Variants in IQCH observed in about 807,000 individuals in gnomAD.
The protein encoded by IQCH is IQ domain-containing protein H.
A neutral mutation model predicts 117.0 loss-of-function variants in IQCH; 98 were observed. That is an observed-to-expected ratio of 0.84 (90% CI 0.71 to 0.99). IQCH has a LOEUF of 0.99. Ranked by LOEUF, IQCH falls within the 50% of genes least tolerant of loss-of-function variation. The pLI is 0.00. For missense variants in IQCH, 1,102 were observed against 1,243.8 expected (o/e 0.89, Z 1.72); for synonymous variants, 412 against 448.2 (o/e 0.92, Z 1.02).
intron 16 of IQCH, among the ~76,000 whole-genome samples, chr15:67,442,858 A>AGATAGATAG (rs1555499828): frequency 1.4e-5 from 2 of 141,790 alleles, no homozygotes; most frequent in African/African-American, 5.4e-5. Context: ...ATAGATAGAT[A>AGATAGATAG]GATAGATATA....
At chr15:67,444,435 C>T (rs958083070) in intron 16 of IQCH, among the ~76,000 whole-genome samples, 1 of 152,150 alleles carries the variant, frequency 6.6e-6, no homozygotes, top group Non-Finnish European at 1.5e-5. Flanking sequence ...GTTTTCCAAA[C>T]CACTTTCTAC....
rs529723294 is a variant in IQCH at position 67,391,433 on chromosome 15, A to G, written c.1632+2427A>G. Among the ~76,000 whole-genome samples, 1 of 152,332 alleles carries G rather than the reference A, an allele frequency of 6.6e-6. No individual in the cohort carries two copies. The highest frequency in any genetic ancestry group is 1.5e-5 in the Non-Finnish European group (1 of 68,022). ...GGATGGCTATGAGATTTTTTAAAGC[A>G]TGCCAAAAATCTGTTTGTACATCTC... On this transcript the variant is annotated intron_variant, in intron 12 of 20. Transcript: ENST00000335894. This position sits in a 1 kb window ranked among gnomAD's most constrained non-coding sequence, Gnocchi z 4.3.
At chr15:67,349,373 C>T (rs533448814) in intron 6 of IQCH, among the ~76,000 whole-genome samples, 2 of 152,270 alleles carry the variant, frequency 1.3e-5, no homozygotes, top group Non-Finnish European at 2.9e-5. Context: ...AATCCCACCA[C>T]TTTGGGAGGC....
chr15:67,275,535 A>G (rs978589389), intron 3 of IQCH, among the ~76,000 whole-genome samples: 3 of 152,170 alleles, frequency 2.0e-5, no homozygotes, highest in African/African-American at 7.2e-5. Flanking sequence ...ACTGGAAGAC[A>G]GCATGAAGTT....
chr15:67,464,676 A>G (rs1020521934), intron 16 of IQCH, among the ~76,000 whole-genome samples: 4 of 152,280 alleles, frequency 2.6e-5, no homozygotes, highest in Admixed American at 2.0e-4. Context: ...AGGGGCTGTC[A>G]CTGCTTTTTC....
chr15:67,447,338 G>C lies in IQCH; in HGVS notation c.2506-17789G>C, dbSNP rs2082411903. Among the ~76,000 whole-genome samples, 1 of 152,090 alleles carries C rather than the reference G, an allele frequency of 6.6e-6. No individual in the cohort carries two copies. Among genetic ancestry groups the C allele is most frequent in the Non-Finnish European group, 1.5e-5 (1 of 68,022 alleles). On this transcript the variant is annotated intron_variant, in intron 16 of 20. Coordinates refer to ENST00000335894, the MANE Select transcript of IQCH (RefSeq NM_001031715.3). The surrounding 1 kb of genome is among the most constrained non-coding windows in gnomAD (Gnocchi z 5.3). ...GCAAGGCAGCTTTCTAAAGATTGCT[G>C]CCATCCAAAAGGATGTCCTATTAGC... is the stretch of plus-strand genomic sequence containing the variant.
chr15:67,397,614 G>A (rs1292514462), intron 13 of IQCH, among the ~76,000 whole-genome samples: 1 of 152,160 alleles, frequency 6.6e-6, no homozygotes, highest in Non-Finnish European at 1.5e-5. Flanking sequence ...TTTTACCGAT[G>A]TGCATCATAA....
intron 14 of IQCH, among the ~76,000 whole-genome samples, chr15:67,402,991 T>C (rs1971726758): frequency 1.3e-5 from 2 of 152,202 alleles, no homozygotes; most frequent in Non-Finnish European, 2.9e-5. Flanking sequence ...CTCATGCCTG[T>C]AATCCTAGCA....
At chr15:67,389,081 G>T in intron 12 of IQCH, 75 bp downstream of exon 12, 1 of 1,120,688 alleles carries the variant, frequency 8.9e-7, no homozygotes, top group African/African-American at 1.6e-5. Context: ...AACTTGCAAC[G>T]CTCTGGTACA....
rs71455547 is a variant in IQCH, at chr15:67,358,158, C to CT, written c.714+754dup. Reference sequence around the variant, plus strand: ...ATAGGCATGAGCCACCACGCCTGGCCTTTTTTTTTTTTTTTTTCTTTTTTA... The same window carrying CT: ...ATAGGCATGAGCCACCACGCCTGGCCTTTTTTTTTTTTTTTTTTCTTTTTTA... On this transcript the variant is annotated intron_variant, in intron 7 of 20. Transcript: ENST00000335894. 5.1e-3 allele frequency among the ~76,000 whole-genome samples: 269 copies of CT among 53,068 alleles called. 3 individuals are homozygous for CT. The highest frequency in any genetic ancestry group is 0.016 in the Middle Eastern group (1 of 62). 34.8% of individuals were successfully genotyped at this position (53,068 alleles called of 152,430 possible). A position where few individuals can be genotyped will look rare whatever the true frequency, so the allele number is the denominator to read the frequency against.
rs1433821814 is a variant in IQCH at position 67,385,937 on chromosome 15, A to G, written c.1456+918A>G. On this transcript the variant is annotated intron_variant, in intron 11 of 20. Transcript: ENST00000335894. This position sits in a 1 kb window ranked among gnomAD's most constrained non-coding sequence, Gnocchi z 4.6. The stretch of plus-strand genomic sequence containing the variant: ...TGGAATGACATGCTTTACATGATTC[A>G]TATATATTTCAGCATCATTATTATT... Among the ~76,000 whole-genome samples the G allele has an allele frequency of 6.6e-6, 1 of 152,206 alleles. No homozygotes were observed. Among genetic ancestry groups the G allele is most frequent in the African/African-American group, 2.4e-5 (1 of 41,458 alleles).
chr15:67,270,927 A>C (rs896578791), intron 3 of IQCH, among the ~76,000 whole-genome samples: 1 of 152,194 alleles, frequency 6.6e-6, no homozygotes, highest in Non-Finnish European at 1.5e-5. Flanking sequence ...TGTTAAAGTG[A>C]TGTATCACAT....
rs148672583 is a variant in IQCH at position 67,372,239 on chromosome 15, T to C, written c.882T>C (p.Ala294=). 3.1e-6 allele frequency: 5 copies of C among 1,613,966 alleles called. No individual in the cohort carries two copies. The African/African-American group carries it at 6.7e-5, about 22-fold the overall frequency. The part of the protein sequence containing the change: ...FLAFKEHFSL[A]WGGIFSLLEH... ...CATTCAAGGAACATTTTAGCTTAGC[T>C]TGGGGAGGTATTTTTTCTCTCTTGG... Residue 294 remains alanine, a synonymous_variant, in exon 9 of 21, where the codon GCT becomes GCC. Transcript: ENST00000335894.
At chr15:67,281,753 C>T (rs1966368036) in intron 4 of IQCH, 1 of 454,614 alleles carries the variant, frequency 2.2e-6, no homozygotes, top group South Asian at 1.6e-5. Context: ...GCAACTATTT[C>T]AAAATATGTC....
intron 4 of IQCH, among the ~76,000 whole-genome samples, chr15:67,325,947 TAGG>T (rs773937874): frequency 1.5e-4 from 23 of 152,150 alleles, no homozygotes; most frequent in Non-Finnish European, 2.6e-4. Flanking sequence ...ATTTTAGAAA[TAGG>T]AGGTTGTTTA....
intron 18 of IQCH, among the ~76,000 whole-genome samples, chr15:67,489,094 C>T (rs1470915432): frequency 3.3e-5 from 5 of 151,136 alleles, no homozygotes; most frequent in African/African-American, 9.7e-5. Context: ...AATGCAGTGG[C>T]GTGATCTCGG....
At chr15:67,482,303 T>A (rs930790450) in intron 18 of IQCH, among the ~76,000 whole-genome samples, 1 of 152,262 alleles carries the variant, frequency 6.6e-6, no homozygotes, top group African/African-American at 2.4e-5. Flanking sequence ...TCTGTTTCTC[T>A]CTCATTGTTT....
rs2083180480 is a variant in IQCH, at chr15:67,475,477, C to CA, written c.2677-213dup. On this transcript the variant is annotated intron_variant, in intron 17 of 20. Coordinates refer to ENST00000335894, the MANE Select transcript of IQCH (RefSeq NM_001031715.3). The surrounding 1 kb of genome is among the most constrained non-coding windows in gnomAD (Gnocchi z 5.7). ...TGGGTGACAAAGTGAGACCCTGTCT[C>CA]AAAAAATAAAATAAAAATAAAAAGT... is the stretch of plus-strand genomic sequence containing the variant. 2.6e-5 allele frequency among the ~76,000 whole-genome samples: 4 copies of CA among 151,964 alleles called. No homozygotes were observed. In the South Asian group the frequency reaches 8.3e-4, roughly 32 times the overall value.
intron 6 of IQCH, among the ~76,000 whole-genome samples, chr15:67,348,611 T>G (rs1969515098): frequency 6.6e-6 from 1 of 152,150 alleles, no homozygotes; most frequent in African/African-American, 2.4e-5. Flanking sequence ...ATGAAAAAAT[T>G]AAAAGAAGAC....
Sources: gnomAD v4.1 joint callset for allele counts (sites outside exome capture counted in the v4.1 genomes callset) on GRCh38, gnomAD v4.1.1 for gene constraint, Gnocchi (gnomAD v3.1) non-coding constraint, MANE v1.5 for transcripts, NCBI Gene and HGNC (gene_info 2026-07-23, HGNC 2026-07-21) for gene names.